NDRG1: variants seen among roughly 807,000 people sequenced by gnomAD.
The protein encoded by NDRG1 is N-myc downstream regulated 1, also known as protein NDRG1.
A neutral mutation model predicts 56.9 loss-of-function variants in NDRG1; 32 were observed. That is an observed-to-expected ratio of 0.56 (90% confidence interval 0.42 to 0.76). The LOEUF (loss-of-function observed/expected upper bound fraction) is 0.76, where lower values mean the gene tolerates loss of function less well. NDRG1 is among the 30% of genes least tolerant of loss of function. The probability of loss-of-function intolerance (pLI) is 0.00; values close to 1 mark genes in which losing one functional copy is unlikely to be tolerated. For missense variants in NDRG1, 507 were observed against 545.7 expected, an observed-to-expected ratio of 0.93 and a Z score of 0.71; for synonymous variants, 211 against 204.1, an observed-to-expected ratio of 1.03 and a Z score of -0.29.
rs764696488 is a variant in NDRG1 at position 133,237,744 on chromosome 8, G to C, written c.*1134C>G. The C allele has an allele frequency of 5.1e-5, 9 of 176,524 alleles. No individual in the cohort carries two copies. In the South Asian group the frequency reaches 2.0e-3, roughly 39 times the overall value. The allele number at this position is 176,524 out of a possible 1,614,324, so 10.9% of individuals were successfully genotyped here. A position where few individuals can be genotyped will look rare whatever the true frequency, so the allele number is the denominator to read the frequency against. ...GTTCTGAGGATCCAAGAACGTGACC[G>C]GGTCAGACAGGTTCAGCTACTGAGT... On this transcript the variant is annotated 3_prime_UTR_variant, in exon 16 of 16. Coordinates refer to ENST00000323851, the MANE Select transcript of NDRG1 (RefSeq NM_006096.4).
rs1278099164 is a variant in NDRG1, at chr8:133,262,120, TCTC to T, written c.250_252del (p.Glu84del). The T allele has an allele frequency of 1.2e-6, 2 of 1,613,998 alleles. No individual in the cohort carries two copies. Among genetic ancestry groups the T allele is most frequent in the Non-Finnish European group, 1.7e-6 (2 of 1,180,008 alleles). On this transcript the variant is annotated inframe_deletion, in exon 5 of 16. Coordinates refer to ENST00000323851, the MANE Select transcript of NDRG1 (RefSeq NM_006096.4). ...TGGCAGACGGCAAAGTGCTGGGTGA[TCTC>T]CTGCATGTCCTCGTAGTTGAAGAGG...
intron 5 of NDRG1, among the ~76,000 whole-genome samples, chr8:133,261,453 G>C (rs1856655423): frequency 6.6e-6 from 1 of 152,178 alleles, no homozygotes; most frequent in Non-Finnish European, 1.5e-5. Flanking sequence ...CCTTCAGCAA[G>C]GTAGTTAATG....
At chr8:133,261,563 G>A (rs1447312589) in intron 5 of NDRG1, among the ~76,000 whole-genome samples, 3 of 152,190 alleles carry the variant, frequency 2.0e-5, no homozygotes, top group Non-Finnish European at 2.9e-5. Context: ...CACAAATGAT[G>A]AAGCCTAGCC....
chr8:133,238,414 A>G lies in NDRG1; in HGVS notation c.*464T>C. Reference sequence around the variant, plus strand: ...GCATGTCACTATTACCCCCCTCCCCAAATGAGAAAAGGATTTTGTTTCCGG... The same window carrying G: ...GCATGTCACTATTACCCCCCTCCCCGAATGAGAAAAGGATTTTGTTTCCGG... On this transcript the variant is annotated 3_prime_UTR_variant, in exon 16 of 16. Coordinates refer to ENST00000323851, the MANE Select transcript of NDRG1 (RefSeq NM_006096.4). 1 of 248,104 alleles carries G rather than the reference A, an allele frequency of 4.0e-6. No individual in the cohort carries two copies. Among genetic ancestry groups the G allele is most frequent in the Non-Finnish European group, 7.8e-6 (1 of 127,612 alleles). The allele number at this position is 248,104 out of a possible 1,614,324, so 15.4% of individuals were successfully genotyped here.
At chr8:133,278,887 CT>C (rs34187643) in intron 3 of NDRG1, among the ~76,000 whole-genome samples, 18,418 of 125,388 alleles carry the variant, frequency 0.15, 1,548 homozygotes, top group African/African-American at 0.29. Flanking sequence ...CTCTCTTCTT[CT>C]TTTTTTTTTT....
intron 3 of NDRG1, among the ~76,000 whole-genome samples, chr8:133,266,223 C>T (rs1381012346): frequency 2.0e-5 from 3 of 152,246 alleles, no homozygotes; most frequent in East Asian, 1.9e-4. Flanking sequence ...GCACTTGACC[C>T]GCCCGCAAGC....
intron 3 of NDRG1, chr8:133,265,063 G>A (rs61671954): frequency 0.019 from 5,059 of 271,868 alleles, 283 homozygotes; most frequent in African/African-American, 0.1. Flanking sequence ...GGGCTACACA[G>A]AATTCACTCC....
Position 133,244,381 on chromosome 8 carries a change from AG to A in NDRG1, c.864del (p.Cys289ValfsTer32). 6.2e-7 allele frequency: 1 copy of A among 1,614,262 alleles called. No individual in the cohort carries two copies. Among genetic ancestry groups the A allele is most frequent in the Non-Finnish European group, 8.5e-7 (1 of 1,180,040 alleles). On this transcript the variant is annotated frameshift_variant, in exon 14 of 16. Coordinates refer to ENST00000323851, the MANE Select transcript of NDRG1 (RefSeq NM_006096.4). LOFTEE classifies it high-confidence loss of function. ...TGGGAGATCTGCGGGAGGCCGCCACAGTCCGCCATCTAGGAGAGAGGGAAGC... is the reference window on the plus strand; with the variant it reads ...TGGGAGATCTGCGGGAGGCCGCCACATCCGCCATCTAGGAGAGAGGGAAGC... Reference protein sequence around the residue: ...PTKTTLLKMADCGGLPQISQP... With the variant: ...PTKTTLLKMAXCGGLPQISQP...
At position 133,262,127 on chromosome 8, in the gene NDRG1, C is replaced by A; in HGVS notation, c.246G>T (p.Met82Ile). ...CGGCAAAGTGCTGGGTGATCTCCTG[C>A]ATGTCCTCGTAGTTGAAGAGGGGGT... ...CYNPLFNYED[M>I]QEITQHFAVC... Residue 82 changes from methionine (M) to isoleucine (I), a missense_variant, in exon 5 of 16, where the codon ATG (methionine) becomes ATT (isoleucine). Coordinates refer to ENST00000323851, the MANE Select transcript of NDRG1 (RefSeq NM_006096.4). The A allele has an allele frequency of 1.2e-6, 2 of 1,614,034 alleles. No homozygotes were observed. Among genetic ancestry groups the A allele is most frequent in the Non-Finnish European group, 1.7e-6 (2 of 1,180,038 alleles).
intron 2 of NDRG1, among the ~76,000 whole-genome samples, chr8:133,283,179 T>G (rs1335829599): frequency 2.6e-5 from 4 of 152,100 alleles, no homozygotes; most frequent in African/African-American, 7.2e-5. Flanking sequence ...AGACCCAACT[T>G]CCTCCTCTAC....
chr8:133,259,506 T>C, intron 5 of NDRG1: 1 of 502,640 alleles, frequency 2.0e-6, no homozygotes, highest in East Asian at 3.7e-5. Context: ...TTTCCCCTCA[T>C]AGCAAGATTA....
chr8:133,247,715 T>C (rs1414586335), intron 12 of NDRG1, among the ~76,000 whole-genome samples, 160 bp downstream of exon 12: 1 of 151,824 alleles, frequency 6.6e-6, no homozygotes, highest in Non-Finnish European at 1.5e-5. Flanking sequence ...AGAGACTGAG[T>C]GGCTGGGCCC....
chr8:133,280,480 G>A (rs1195926320), intron 2 of NDRG1, among the ~76,000 whole-genome samples: 4 of 149,366 alleles, frequency 2.7e-5, no homozygotes, highest in African/African-American at 9.9e-5. Flanking sequence ...TTAGAGTACA[G>A]TGGTGTGATC....
At chr8:133,248,008 T>G in intron 11 of NDRG1, 82 bp from the exon 12 acceptor site, 1 of 1,343,898 alleles carries the variant, frequency 7.4e-7, no homozygotes, top group Non-Finnish European at 1.1e-6. Flanking sequence ...GGCTGGGGCC[T>G]GCATTCTACA....
intron 3 of NDRG1, 88 bp from the exon 4 acceptor site, chr8:133,264,740 T>C: frequency 8.8e-7 from 1 of 1,141,312 alleles, no homozygotes; most frequent in Admixed American, 1.7e-5. Context: ...TCCAACTGTG[T>C]TTTGAGGAAG....
chr8:133,261,309 T>G (rs889088794), intron 5 of NDRG1, among the ~76,000 whole-genome samples: 1 of 152,092 alleles, frequency 6.6e-6, no homozygotes, highest in Admixed American at 6.6e-5. Context: ...TTTCATCACG[T>G]TGGCCGGAGA....
Position 133,238,923 on chromosome 8 carries a change from A to G in NDRG1, c.1140T>C (p.Ala380=), listed in dbSNP as rs1184071181. 1.9e-6 allele frequency: 3 copies of G among 1,563,730 alleles called. No individual in the cohort carries two copies. Among genetic ancestry groups the G allele is most frequent in the Non-Finnish European group, 2.6e-6 (3 of 1,154,670 alleles). Reference sequence around the variant, plus strand: ...ACTTGGGCCCGGCGCTGTTCCCAGCAGCACCCGAGTTGGGGGTGATGTCCA... The same window carrying G: ...ACTTGGGCCCGGCGCTGTTCCCAGCGGCACCCGAGTTGGGGGTGATGTCCA... ...AHLDITPNSG[A]AGNSAGPKSM... The change falls in exon 16 of 16, where the codon GCT becomes GCC. Residue 380 remains alanine (A), a synonymous_variant. Transcript: ENST00000323851.
rs772996128 is a variant in NDRG1, at chr8:133,244,399, G to A, written c.856-9C>T. ...CCGCCACAGTCCGCCATCTAGGAGA[G>A]AGGGAAGCTCGTTAGTGCCAAACAC... On this transcript the variant is annotated splice_polypyrimidine_tract_variant and intron_variant, in intron 13 of 15. Transcript: ENST00000323851. 1.8e-5 allele frequency: 29 copies of A among 1,614,106 alleles called. No individual in the cohort carries two copies. Among genetic ancestry groups the A allele is most frequent in the East Asian group, 4.5e-5 (2 of 44,892 alleles).
chr8:133,246,624 G>C lies in NDRG1; in HGVS notation c.847C>G (p.Leu283Val). ...CACTGTTTTCCCTGTACCTTGAGGA[G>C]AGTGGTCTTTGTTGGGTCCAATTTT... is the stretch of plus-strand genomic sequence containing the variant. ...NSKLDPTKTT[L>V]LKMADCGGLP... The change falls in exon 13 of 16, where the codon CTC becomes GTC. Residue 283 changes from leucine to valine, a missense_variant. By Grantham distance (32) the Leu-to-Val change is conservative (BLOSUM62 1). Coordinates refer to ENST00000323851, the MANE Select transcript of NDRG1 (RefSeq NM_006096.4). 1 of 1,614,180 alleles carries C rather than the reference G, an allele frequency of 6.2e-7. No individual in the cohort carries two copies. The highest frequency in any genetic ancestry group is 8.5e-7 in the Non-Finnish European group (1 of 1,180,010).
Sources: gnomAD v4.1 joint callset for allele counts (sites outside exome capture counted in the v4.1 genomes callset) on GRCh38, gnomAD v4.1.1 for gene constraint, MANE v1.5 for transcripts, NCBI Gene and HGNC (gene_info 2026-07-23, HGNC 2026-07-21) for gene names.